Variants in CAMK1D observed in about 807,000 individuals in gnomAD.
The protein encoded by CAMK1D is calcium/calmodulin dependent protein kinase ID.
In CAMK1D, 9 loss-of-function variants were observed where a neutral mutation model predicts 47.7. The ratio of observed to expected loss-of-function variants is 0.19; its 90% CI spans 0.11 to 0.33. The LOEUF (loss-of-function observed/expected upper bound fraction) is 0.33, where lower values mean the gene tolerates loss of function less well. Ranked by LOEUF, CAMK1D falls within the 10% of genes least tolerant of loss-of-function variation. The pLI, the probability that CAMK1D is intolerant of heterozygous loss-of-function variation, is 1.00. For synonymous variants in CAMK1D, 184 were observed against 184.9 expected (o/e 0.99, Z 0.04); for missense variants, 291 against 488.7 (o/e 0.60, Z 3.81).
chr10:12,459,023 G>A (rs1254934325), intron 1 of CAMK1D, among the ~76,000 whole-genome samples: 5 of 151,838 alleles, frequency 3.3e-5, no homozygotes. Flanking sequence ...GGATTACAGG[G>A]ATGCGCCACC....
At chr10:12,368,236 C>T (rs542452130) in intron 1 of CAMK1D, among the ~76,000 whole-genome samples, 143 of 151,916 alleles carry the variant, frequency 9.4e-4, no homozygotes, top group Admixed American at 1.5e-3. Flanking sequence ...GTTTATTGTC[C>T]GGGCACAGTG....
intron 3 of CAMK1D, among the ~76,000 whole-genome samples, chr10:12,726,766 G>C (rs1157019904): frequency 6.6e-6 from 1 of 152,212 alleles, no homozygotes; most frequent in African/African-American, 2.4e-5. Flanking sequence ...ACGTCTTCCA[G>C]GTTCTTGAGC....
At chr10:12,674,222 A>C (rs1840720060) in intron 3 of CAMK1D, among the ~76,000 whole-genome samples, 1 of 152,244 alleles carries the variant, frequency 6.6e-6, no homozygotes, top group African/African-American at 2.4e-5. Flanking sequence ...TATGTGAGCC[A>C]CTGCTCCTGG....
At chr10:12,655,726 A>G (rs934415627) in intron 2 of CAMK1D, among the ~76,000 whole-genome samples, 2 of 152,200 alleles carry the variant, frequency 1.3e-5, no homozygotes, top group Non-Finnish European at 2.9e-5. Context: ...GCCATTCTAG[A>G]CAAGAGCAAA....
intron 1 of CAMK1D, among the ~76,000 whole-genome samples, chr10:12,367,866 A>AT (rs1209708102): frequency 6.6e-6 from 1 of 152,126 alleles, no homozygotes; most frequent in African/African-American, 2.4e-5. Flanking sequence ...TACAGGTCCC[A>AT]TGGCCTGGGG....
intron 1 of CAMK1D, among the ~76,000 whole-genome samples, chr10:12,490,128 G>A (rs1468207433): frequency 3.9e-5 from 6 of 152,156 alleles, no homozygotes; most frequent in Non-Finnish European, 5.9e-5. Flanking sequence ...TGCAGTCTCC[G>A]AGGGCCTCTG....
chr10:12,550,347 A>G (rs1024556999), intron 1 of CAMK1D, among the ~76,000 whole-genome samples: 2 of 152,050 alleles, frequency 1.3e-5, no homozygotes, highest in Non-Finnish European at 2.9e-5. Flanking sequence ...TTTTTCTCCT[A>G]CTCTAACATA....
chr10:12,536,883 C>T (rs909267549), intron 1 of CAMK1D, among the ~76,000 whole-genome samples: 3 of 152,062 alleles, frequency 2.0e-5, no homozygotes, highest in African/African-American at 4.8e-5. Flanking sequence ...TGCTGAATGA[C>T]GGACTATCTA....
intron 1 of CAMK1D, among the ~76,000 whole-genome samples, chr10:12,376,255 T>G (rs1422818939): frequency 6.8e-6 from 1 of 147,654 alleles, no homozygotes; most frequent in African/African-American, 2.5e-5. Flanking sequence ...CCTTAGACAC[T>G]CGACGGGGCC....
chr10:12,659,714 A>G (rs1173804536), intron 2 of CAMK1D, among the ~76,000 whole-genome samples: 3 of 152,160 alleles, frequency 2.0e-5, no homozygotes, highest in Admixed American at 1.3e-4. Flanking sequence ...ACATCACAAT[A>G]TTCTTCAAGT....
rs869155068 is a variant in CAMK1D at position 12,782,981 on chromosome 10, G to GTT, written c.566-8164_566-8163dup. ...TTTTAGAGTAAATTCAGTATTTTCAGTTTTTTTTTTTTTTGTTTTTTTTTT... is the reference window on the plus strand; with the variant it reads ...TTTTAGAGTAAATTCAGTATTTTCAGTTTTTTTTTTTTTTTTGTTTTTTTTTT... On this transcript the variant is annotated intron_variant, in intron 5 of 10. Coordinates refer to ENST00000619168, the MANE Select transcript of CAMK1D (RefSeq NM_153498.4). 3.0e-3 allele frequency among the ~76,000 whole-genome samples: 399 copies of GTT among 134,824 alleles called. 2 individuals are homozygous for GTT. Among genetic ancestry groups the GTT allele is most frequent in the African/African-American group, 9.2e-3 (331 of 35,906 alleles). The allele number at this position is 134,824 out of a possible 152,430, so 88.4% of individuals were successfully genotyped here. A position where few individuals can be genotyped will look rare whatever the true frequency, so the allele number is the denominator to read the frequency against.
chr10:12,607,922 C>T (rs1012574532), intron 2 of CAMK1D, among the ~76,000 whole-genome samples: 1 of 151,978 alleles, frequency 6.6e-6, no homozygotes, highest in Non-Finnish European at 1.5e-5. Flanking sequence ...GATCACATTA[C>T]TGCGCTCCAG....
chr10:12,595,250 G>A (rs1447940496), intron 2 of CAMK1D, among the ~76,000 whole-genome samples: 1 of 146,806 alleles, frequency 6.8e-6, no homozygotes, highest in African/African-American at 2.5e-5. Context: ...GCTGAGGCAG[G>A]AGAATCGCTT....
At chr10:12,485,556 A>G (rs1834189762) in intron 1 of CAMK1D, among the ~76,000 whole-genome samples, 1 of 152,098 alleles carries the variant, frequency 6.6e-6, no homozygotes, top group South Asian at 2.1e-4. Flanking sequence ...CTGCAGAGGC[A>G]CTGCTCGTTG....
At chr10:12,398,671 T>C (rs1470517136) in intron 1 of CAMK1D, among the ~76,000 whole-genome samples, 1 of 152,156 alleles carries the variant, frequency 6.6e-6, no homozygotes, top group Non-Finnish European at 1.5e-5. Context: ...TATTTAGTTA[T>C]TGTGATGATG....
chr10:12,790,772 C>T lies in CAMK1D; in HGVS notation c.566-386C>T, dbSNP rs1041865868. 6.0e-4 allele frequency among the ~76,000 whole-genome samples: 91 copies of T among 152,110 alleles called. 1 individual carries two copies. The highest frequency in any genetic ancestry group is 2.1e-3 in the African/African-American group (89 of 41,460). On this transcript the variant is annotated intron_variant, in intron 5 of 10. Transcript: ENST00000619168. ...TTGGGAGGCTGATGGGGGAGGATTG[C>T]TTGAGGCCAGAAGTTCAAGACCAGG...
rs527726178 is a variant in CAMK1D at position 12,827,988 on chromosome 10, G to A, written c.1040-781G>A. ...AGCCACCATACCCTTATTTCAAAGT[G>A]CTCTGCGTCACAAAATGCTTTCTAG... On this transcript the variant is annotated intron_variant, in intron 10 of 10. Transcript: ENST00000619168. Among the ~76,000 whole-genome samples the A allele has an allele frequency of 9.0e-4, 137 of 152,280 alleles. 1 individual carries two copies. The highest frequency in any genetic ancestry group is 3.2e-3 in the African/African-American group (132 of 41,558).
intron 1 of CAMK1D, among the ~76,000 whole-genome samples, chr10:12,478,997 G>A (rs902255716): frequency 3.9e-5 from 6 of 152,088 alleles, no homozygotes; most frequent in African/African-American, 7.2e-5. Context: ...TATGAGGTGC[G>A]CCCAATTAAC....
At chr10:12,674,985 C>G (rs1205645579) in intron 3 of CAMK1D, among the ~76,000 whole-genome samples, 1 of 143,112 alleles carries the variant, frequency 7.0e-6, no homozygotes, top group Admixed American at 7.2e-5. Context: ...AAGCTGAGAT[C>G]ACACCACTGC....
Sources: gnomAD v4.1 joint callset for allele counts (sites outside exome capture counted in the v4.1 genomes callset) on GRCh38, gnomAD v4.1.1 for gene constraint, MANE v1.5 for transcripts, NCBI Gene and HGNC (gene_info 2026-07-23, HGNC 2026-07-21) for gene names.